The following RGS13 variants were observed in gnomAD, a reference collection of about 807,000 sequenced individuals.
The protein encoded by RGS13 is regulator of G-protein signalling 13.
RGS13 carries 14 observed loss-of-function variants against 19.9 expected under a neutral mutation model. The ratio of observed to expected loss-of-function variants is 0.70; its 90% CI spans 0.46 to 1.10. The LOEUF (loss-of-function observed/expected upper bound fraction) is 1.10. Among genes scored for constraint, RGS13 ranks in the 50% least tolerant of loss-of-function variants. The pLI is 0.00. For synonymous variants in RGS13, 60 were observed against 56.8 expected (o/e 1.06, Z -0.25); for missense variants, 205 against 187.1 (o/e 1.10, Z -0.56).
intron 5 of RGS13, among the ~76,000 whole-genome samples, chr1:192,654,511 T>C (rs1663400479): frequency 6.6e-6 from 1 of 152,030 alleles, no homozygotes. Context: ...AACTGAAGCT[T>C]CACTGTAAAA....
chr1:192,659,536 A>C lies in RGS13; in HGVS notation c.*13A>C. On this transcript the variant is annotated 3_prime_UTR_variant, in exon 7 of 7. Coordinates refer to ENST00000391995, the MANE Select transcript of RGS13 (RefSeq NM_002927.5). ...CAACAGTTTCTGACTACAACTCAAAAGTTTAAATAGAAAACAGTATATTGA... is the reference window on the plus strand; with the variant it reads ...CAACAGTTTCTGACTACAACTCAAACGTTTAAATAGAAAACAGTATATTGA... The C allele has an allele frequency of 6.3e-7, 1 of 1,582,596 alleles. No homozygotes were observed. Among genetic ancestry groups the C allele is most frequent in the East Asian group, 2.3e-5 (1 of 44,326 alleles).
At chr1:192,656,356 T>A (rs74130415) in intron 5 of RGS13, among the ~76,000 whole-genome samples, 7,457 of 151,326 alleles carry the variant, frequency 0.049, 657 homozygotes, top group African/African-American at 0.17. Flanking sequence ...TTTTTTTTTT[T>A]TTATTTGTTC....
chr1:192,641,310 A>G (rs866899589), intron 3 of RGS13, among the ~76,000 whole-genome samples: 9 of 143,092 alleles, frequency 6.3e-5, no homozygotes, highest in Non-Finnish European at 1.1e-4. Flanking sequence ...AAGAAAGAAA[A>G]GAAAGAAAGG....
Position 192,644,363 on chromosome 1 carries a change from A to G in RGS13, c.29A>G (p.Lys10Arg). ...AGCAGGCGGAATTGTTGGATTTGTAAGATGTGCAGAGATGAATCTAAGAGG... is the reference window on the plus strand; with the variant it reads ...AGCAGGCGGAATTGTTGGATTTGTAGGATGTGCAGAGATGAATCTAAGAGG... MSRRNCWIC[K>R]MCRDESKRPP... Residue 10 changes from lysine (K) to arginine (R), a missense_variant, in exon 4 of 7, where the codon AAG becomes AGG. Transcript: ENST00000391995. 2 of 1,611,688 alleles carry G rather than the reference A, an allele frequency of 1.2e-6. No homozygotes were observed. The highest frequency in any genetic ancestry group is 3.3e-5 in the Admixed American group (2 of 59,910).
At chr1:192,645,526 C>A (rs1011919721) in intron 4 of RGS13, 1 of 152,078 alleles carries the variant, frequency 6.6e-6, no homozygotes, top group Non-Finnish European at 1.5e-5. Context: ...GGATTAGAAC[C>A]TAGGACTGTC....
At position 192,659,974 on chromosome 1, in the gene RGS13, T is replaced by A. The variant is rs1663591660; in HGVS notation, c.*451T>A. The A allele has an allele frequency of 6.5e-6, 1 of 153,348 alleles. No individual in the cohort carries two copies. The highest frequency in any genetic ancestry group is 2.4e-5 in the African/African-American group (1 of 41,468). The allele number at this position is 153,348 out of a possible 1,614,324, so 9.5% of individuals were successfully genotyped here. On this transcript the variant is annotated 3_prime_UTR_variant, in exon 7 of 7. Transcript: ENST00000391995. ...CAAATGCTACTCACAGTACAATCAA[T>A]TGTATTATACCATGAGAAAATCAAA...
rs1233718991 is a variant in RGS13, at chr1:192,644,687, T to C, written c.65+288T>C. On this transcript the variant is annotated intron_variant, in intron 4 of 6. Coordinates refer to ENST00000391995, the MANE Select transcript of RGS13 (RefSeq NM_002927.5). ...GAATATTGTTTGTGTTAAAATGAGA[T>C]TCTTCAATCCAAAATATTTTCTTGG... The C allele has an allele frequency of 1.7e-5, 4 of 240,602 alleles. No individual in the cohort carries two copies. The East Asian group carries it at 3.4e-4, about 21-fold the overall frequency. 14.9% of individuals were successfully genotyped at this position (240,602 alleles called of 1,614,324 possible).
chr1:192,655,199 T>A (rs1267498845), intron 5 of RGS13, among the ~76,000 whole-genome samples: 1 of 152,136 alleles, frequency 6.6e-6, no homozygotes, highest in Non-Finnish European at 1.5e-5. Flanking sequence ...TGCAGCATAT[T>A]CAGACAAAAG....
chr1:192,653,636 T>A lies in RGS13; in HGVS notation c.128-4565T>A, dbSNP rs777581131. Among the ~76,000 whole-genome samples, 4 of 151,992 alleles carry A rather than the reference T, an allele frequency of 2.6e-5. No individual in the cohort carries two copies. In the South Asian group the frequency reaches 6.2e-4, roughly 24 times the overall value. On this transcript the variant is annotated intron_variant, in intron 5 of 6. Transcript: ENST00000391995. ...CCATCAACAGACTATTATATGATCATTAAAAATGAAAAAGAGAAAGTGTTC... is the reference window on the plus strand; with the variant it reads ...CCATCAACAGACTATTATATGATCAATAAAAATGAAAAAGAGAAAGTGTTC...
At chr1:192,648,889 G>T (rs1262036292) in intron 5 of RGS13, among the ~76,000 whole-genome samples, 1 of 152,062 alleles carries the variant, frequency 6.6e-6, no homozygotes, top group Non-Finnish European at 1.5e-5. Context: ...CCTCATGGGG[G>T]TTGTCATAGT....
At chr1:192,641,245 AAAAGAAAG>A (rs1173653410) in intron 3 of RGS13, among the ~76,000 whole-genome samples, 9 of 86,140 alleles carry the variant, frequency 1.0e-4, no homozygotes, top group Admixed American at 1.3e-4. Flanking sequence ...AGAAAGAAAG[AAAAGAAAG>A]AAAAGAAAGA....
chr1:192,655,189 TG>T (rs777084099), intron 5 of RGS13, among the ~76,000 whole-genome samples: 4 of 152,130 alleles, frequency 2.6e-5, no homozygotes, highest in Non-Finnish European at 1.5e-5. Flanking sequence ...TTGAGTAACT[TG>T]CAGCATATTC....
At chr1:192,641,404 A>G (rs1191419468) in intron 3 of RGS13, among the ~76,000 whole-genome samples, 2 of 151,782 alleles carry the variant, frequency 1.3e-5, no homozygotes, top group African/African-American at 4.8e-5. Flanking sequence ...GCAGGGAGGA[A>G]GGAGGAGAGG....
At chr1:192,641,017 G>A (rs1571577801) in intron 3 of RGS13, among the ~76,000 whole-genome samples, 2 of 151,574 alleles carry the variant, frequency 1.3e-5, no homozygotes, top group Non-Finnish European at 2.9e-5. Context: ...GAGACATGCA[G>A]GCCAGAATCA....
At chr1:192,648,535 C>T (rs200831999) in intron 5 of RGS13, among the ~76,000 whole-genome samples, 20 of 152,122 alleles carry the variant, frequency 1.3e-4, no homozygotes, top group East Asian at 5.8e-4. Flanking sequence ...TAAAGGAGGA[C>T]GTGCATTCAA....
chr1:192,646,411 T>C (rs905130437), intron 4 of RGS13: 2 of 152,186 alleles, frequency 1.3e-5, no homozygotes, highest in Non-Finnish European at 2.9e-5. Context: ...TCTTCAATTA[T>C]CTAGTTGTTG....
intron 5 of RGS13, among the ~76,000 whole-genome samples, chr1:192,654,948 T>A (rs1348467361): frequency 6.6e-6 from 1 of 152,018 alleles, no homozygotes; most frequent in Non-Finnish European, 1.5e-5. Context: ...TATCATCTTA[T>A]TCACTCTGTT....
chr1:192,652,780 T>C (rs1663365632), intron 5 of RGS13, among the ~76,000 whole-genome samples: 1 of 151,838 alleles, frequency 6.6e-6, no homozygotes, highest in Admixed American at 6.6e-5. Flanking sequence ...CAAATTGACA[T>C]GTGTTTATTC....
intron 3 of RGS13, among the ~76,000 whole-genome samples, chr1:192,639,006 T>C (rs1663059821): frequency 6.6e-6 from 1 of 152,116 alleles, no homozygotes; most frequent in African/African-American, 2.4e-5. Context: ...ATTATATCTA[T>C]ATATATTGCT....
Sources: gnomAD v4.1 joint callset for allele counts (sites outside exome capture counted in the v4.1 genomes callset) on GRCh38, gnomAD v4.1.1 for gene constraint, MANE v1.5 for transcripts, NCBI Gene and HGNC (gene_info 2026-07-23, HGNC 2026-07-21) for gene names.